TRPM3: variants seen among roughly 807,000 people sequenced by gnomAD.
TRPM3 encodes long transient receptor potential channel 3.
TRPM3 carries 77 observed loss-of-function variants against 181.2 expected under a neutral mutation model. The observed-to-expected ratio is 0.42, with a 90% confidence interval of 0.35 to 0.51. TRPM3 has a LOEUF of 0.51. Among genes scored for constraint, TRPM3 ranks in the 20% least tolerant of loss-of-function variants. The pLI, the probability that TRPM3 is intolerant of heterozygous loss-of-function variation, is 0.01. For missense variants in TRPM3, 1,759 were observed against 2,196.7 expected (o/e 0.80, Z 3.98); for synonymous variants, 745 against 796.4 (o/e 0.94, Z 1.09).
At chr9:71,108,000 TG>T (rs1374188647) in intron 1 of TRPM3, among the ~76,000 whole-genome samples, 3 of 152,152 alleles carry the variant, frequency 2.0e-5, no homozygotes, top group Non-Finnish European at 4.4e-5. Flanking sequence ...CCATGAACAA[TG>T]GGAGCAACTC....
At chr9:70,868,123 T>C (rs958044740) in intron 1 of TRPM3, among the ~76,000 whole-genome samples, 4 of 152,090 alleles carry the variant, frequency 2.6e-5, no homozygotes, top group Non-Finnish European at 5.9e-5. Context: ...TTAGAAAAGA[T>C]GGCTTCTATG....
At chr9:71,170,669 C>T (rs1426941415) in intron 1 of TRPM3, among the ~76,000 whole-genome samples, 1 of 152,156 alleles carries the variant, frequency 6.6e-6, no homozygotes, top group African/African-American at 2.4e-5. Context: ...ATCACTTCTC[C>T]AATCAATACC....
chr9:71,369,884 C>T (rs75647943), intron 1 of TRPM3, among the ~76,000 whole-genome samples: 4,225 of 152,262 alleles, frequency 0.028, 183 homozygotes, highest in African/African-American at 0.091. Context: ...CAGCAGCTCT[C>T]TTTTTCCCCA....
chr9:71,106,215 G>A (rs143325335), intron 1 of TRPM3, among the ~76,000 whole-genome samples: 54 of 152,200 alleles, frequency 3.5e-4, no homozygotes, highest in Non-Finnish European at 7.1e-4. Context: ...TCAGTGATAC[G>A]CCACTATTGA....
chr9:70,668,985 A>C (rs1173696254), intron 9 of TRPM3, among the ~76,000 whole-genome samples: 1 of 152,196 alleles, frequency 6.6e-6, no homozygotes, highest in African/African-American at 2.4e-5. Context: ...AGCCAAGAGG[A>C]GCTCAGAAGC....
chr9:70,675,953 T>G (rs1488816502), intron 9 of TRPM3, among the ~76,000 whole-genome samples: 1 of 152,232 alleles, frequency 6.6e-6, no homozygotes, highest in Non-Finnish European at 1.5e-5. Flanking sequence ...GCCCATACTT[T>G]ATTCACATTT....
chr9:70,838,002 G>A (rs369922381), intron 5 of TRPM3, among the ~76,000 whole-genome samples: 6 of 152,108 alleles, frequency 3.9e-5, no homozygotes, highest in Non-Finnish European at 7.4e-5. Context: ...ATATGCAGTC[G>A]CAGAGCACAG....
chr9:70,532,966 T>TGG lies in TRPM3; in HGVS notation c.*2986_*2987insCC, dbSNP rs1275273572. ...TGGACTGAAAAATAACACACATACA[T>TGG]GTGCACAGGAAGGAAATGGCTCATG... On this transcript the variant is annotated 3_prime_UTR_variant, in exon 26 of 26. Transcript: ENST00000677713. 3 of 152,122 alleles carry TGG rather than the reference T, an allele frequency of 2.0e-5. No individual in the cohort carries two copies. The highest frequency in any genetic ancestry group is 4.4e-5 in the Non-Finnish European group (3 of 68,034). 9.4% of individuals were successfully genotyped at this position (152,122 alleles called of 1,614,324 possible). A position where few individuals can be genotyped will look rare whatever the true frequency, so the allele number is the denominator to read the frequency against.
At chr9:70,753,268 C>T (rs111419067) in intron 8 of TRPM3, among the ~76,000 whole-genome samples, 5 of 152,016 alleles carry the variant, frequency 3.3e-5, no homozygotes, top group African/African-American at 9.6e-5. Flanking sequence ...AAAAAACAAG[C>T]CCCAAACTGA....
chr9:70,651,701 T>C (rs1289037375), intron 9 of TRPM3, among the ~76,000 whole-genome samples: 2 of 152,228 alleles, frequency 1.3e-5, no homozygotes, highest in Admixed American at 6.5e-5. Context: ...AGCTCCTGCA[T>C]GTACAAACAT....
intron 1 of TRPM3, among the ~76,000 whole-genome samples, chr9:71,044,844 T>C (rs1256460351): frequency 1.3e-5 from 2 of 151,772 alleles, no homozygotes; most frequent in African/African-American, 4.8e-5. Context: ...GCTAATTTTT[T>C]ATATTTTTAG....
intron 1 of TRPM3, among the ~76,000 whole-genome samples, chr9:70,906,367 A>G (rs999343203): frequency 2.0e-5 from 3 of 152,234 alleles, no homozygotes; most frequent in African/African-American, 7.2e-5. Context: ...AATATGAGCC[A>G]ACTGAATGTT....
chr9:70,621,409 A>T, intron 14 of TRPM3, 136 bp from the exon 15 acceptor site: 3 of 485,360 alleles, frequency 6.2e-6, no homozygotes, highest in Non-Finnish European at 6.9e-6. Flanking sequence ...TTGTCACCTG[A>T]GTTGGAGTGT....
chr9:71,257,646 C>A (rs948492687), intron 1 of TRPM3, among the ~76,000 whole-genome samples: 1 of 152,158 alleles, frequency 6.6e-6, no homozygotes, highest in Non-Finnish European at 1.5e-5. Flanking sequence ...TTGATTTATA[C>A]TACGAGAAAT....
At chr9:71,343,594 C>T (rs1161655908) in intron 1 of TRPM3, among the ~76,000 whole-genome samples, 1 of 152,044 alleles carries the variant, frequency 6.6e-6, no homozygotes, top group Non-Finnish European at 1.5e-5. Flanking sequence ...AAGTTATCTA[C>T]ATAAAATAAT....
intron 25 of TRPM3, among the ~76,000 whole-genome samples, chr9:70,546,158 C>T (rs7019788): frequency 0.086 from 13,139 of 152,228 alleles, 795 homozygotes; most frequent in African/African-American, 0.18. Flanking sequence ...TTATATGCTC[C>T]ACAGTGAATA....
At chr9:70,596,761 G>A (rs184024388) in intron 21 of TRPM3, among the ~76,000 whole-genome samples, 3 of 151,698 alleles carry the variant, frequency 2.0e-5, no homozygotes, top group East Asian at 3.9e-4. Flanking sequence ...GGTTTCAATG[G>A]CTCATACAAT....
chr9:71,016,063 T>A (rs1590664468), intron 1 of TRPM3, among the ~76,000 whole-genome samples: 1 of 150,222 alleles, frequency 6.7e-6, no homozygotes, highest in African/African-American at 2.5e-5. Context: ...GGTGTGGTGG[T>A]GCGTGCCTGT....
chr9:71,205,649 A>G lies in TRPM3; in HGVS notation c.183+241004T>C, dbSNP rs933504985. 6.1e-4 allele frequency among the ~76,000 whole-genome samples: 93 copies of G among 152,230 alleles called. 1 individual carries two copies. The highest frequency in any genetic ancestry group is 6.1e-3 in the Admixed American group (93 of 15,270). ...ATACTAATCATACACTTTCCTAAAAACATATGCTGATACATTTTGAATTAT... is the reference window on the plus strand; with the variant it reads ...ATACTAATCATACACTTTCCTAAAAGCATATGCTGATACATTTTGAATTAT... On this transcript the variant is annotated intron_variant, in intron 1 of 24. Coordinates refer to the TRPM3 transcript ENST00000357533.
Sources: allele counts gnomAD v4.1 joint callset (sites outside exome capture counted in the v4.1 genomes callset), GRCh38; gene constraint gnomAD v4.1.1; transcripts MANE v1.5; gene names NCBI Gene and HGNC (gene_info 2026-07-23, HGNC 2026-07-21).